GHR: variants seen among roughly 807,000 people sequenced by gnomAD.
The protein encoded by GHR is GH receptor.
Under a neutral mutation model 67.1 loss-of-function variants are expected in GHR, and 35 were observed. The ratio of observed to expected loss-of-function variants is 0.52; its 90% CI spans 0.40 to 0.69. GHR has a LOEUF of 0.69. Among genes scored for constraint, GHR ranks in the 30% least tolerant of loss-of-function variants. The probability of loss-of-function intolerance (pLI) is 0.00; values close to 1 mark genes in which losing one functional copy is unlikely to be tolerated. For synonymous variants in GHR, 272 were observed against 269.1 expected, an observed-to-expected ratio of 1.01 and a Z score of -0.10; for missense variants, 792 against 764.6, an observed-to-expected ratio of 1.04 and a Z score of -0.42.
chr5:42,431,451 A>G (rs1222371045), intron 1 of GHR, among the ~76,000 whole-genome samples: 1 of 152,212 alleles, frequency 6.6e-6, no homozygotes, highest in Non-Finnish European at 1.5e-5. Flanking sequence ...ATAAAGCCTT[A>G]GGCCAGGCAC....
At chr5:42,492,072 C>G (rs994965780) in intron 1 of GHR, among the ~76,000 whole-genome samples, 1 of 152,154 alleles carries the variant, frequency 6.6e-6, no homozygotes, top group African/African-American at 2.4e-5. Flanking sequence ...ATAGTTCTGG[C>G]TTTTCCTTAT....
At chr5:42,717,591 T>A (rs1272286096) in intron 8 of GHR, among the ~76,000 whole-genome samples, 1 of 152,216 alleles carries the variant, frequency 6.6e-6, no homozygotes, top group Non-Finnish European at 1.5e-5. Context: ...TACCCAAGTC[T>A]ACCCTTTTTC....
intron 2 of GHR, among the ~76,000 whole-genome samples, chr5:42,569,057 T>C (rs1750115148): frequency 6.6e-6 from 1 of 152,202 alleles, no homozygotes; most frequent in Non-Finnish European, 1.5e-5. Context: ...TCAGCTGTGG[T>C]GAATTACAGC....
intron 1 of GHR, among the ~76,000 whole-genome samples, chr5:42,479,992 T>C (rs1345654470): frequency 1.3e-5 from 2 of 152,236 alleles, no homozygotes; most frequent in African/African-American, 2.4e-5. Context: ...GTGTCAATTT[T>C]GGATCTTTCC....
intron 1 of GHR, among the ~76,000 whole-genome samples, chr5:42,450,055 T>C (rs1444441828): frequency 2.0e-5 from 3 of 152,196 alleles, no homozygotes; most frequent in Non-Finnish European, 4.4e-5. Context: ...TAGCTACTAC[T>C]TTGTTGAGGA....
chr5:42,496,882 G>A (rs1452379498), intron 1 of GHR, among the ~76,000 whole-genome samples: 1 of 152,142 alleles, frequency 6.6e-6, no homozygotes, highest in East Asian at 1.9e-4. Flanking sequence ...CACAAGGCTG[G>A]AACTAGACAC....
intron 1 of GHR, among the ~76,000 whole-genome samples, chr5:42,519,708 A>G (rs997296008): frequency 2.0e-5 from 3 of 152,158 alleles, no homozygotes. Context: ...AAAGTTGACC[A>G]TTTCTTTTAG....
chr5:42,677,409 T>C (rs555834610), intron 3 of GHR, among the ~76,000 whole-genome samples: 2 of 152,216 alleles, frequency 1.3e-5, no homozygotes, highest in Admixed American at 6.5e-5. Context: ...TGCAGCATTC[T>C]CTTTTCATTG....
chr5:42,552,158 G>C (rs539650097), intron 1 of GHR, among the ~76,000 whole-genome samples: 2 of 152,164 alleles, frequency 1.3e-5, no homozygotes, highest in East Asian at 3.8e-4. Flanking sequence ...GAGTTATGTT[G>C]TGGTGGTCCC....
intron 6 of GHR, among the ~76,000 whole-genome samples, chr5:42,701,351 C>G (rs1579639569): frequency 6.6e-6 from 1 of 152,124 alleles, no homozygotes; most frequent in South Asian, 2.1e-4. Context: ...TTTTACTAAA[C>G]CTCGACCTTT....
chr5:42,667,444 A>C (rs901911046), intron 3 of GHR, among the ~76,000 whole-genome samples: 1 of 152,192 alleles, frequency 6.6e-6, no homozygotes, highest in South Asian at 2.1e-4. Flanking sequence ...TTGTACTAAT[A>C]TAACATAGAA....
At chr5:42,604,197 T>C (rs750502537) in intron 2 of GHR, among the ~76,000 whole-genome samples, 25 of 152,342 alleles carry the variant, frequency 1.6e-4, no homozygotes, top group Non-Finnish European at 3.1e-4. Flanking sequence ...CCTGTAAGCC[T>C]TCACATGTAT....
At chr5:42,465,315 G>C in intron 1 of GHR, 1 of 686,002 alleles carries the variant, frequency 1.5e-6, no homozygotes, top group Non-Finnish European at 2.6e-6. Context: ...TTTTTTTTTT[G>C]CATGAAAATA....
At chr5:42,530,367 T>G (rs929295727) in intron 1 of GHR, among the ~76,000 whole-genome samples, 3 of 152,204 alleles carry the variant, frequency 2.0e-5, no homozygotes, top group Admixed American at 2.0e-4. Flanking sequence ...TTTTCATGAA[T>G]GAATGGGAGC....
intron 3 of GHR, among the ~76,000 whole-genome samples, chr5:42,636,683 T>C (rs1265924435): frequency 6.6e-6 from 1 of 152,180 alleles, no homozygotes; most frequent in Admixed American, 6.5e-5. Flanking sequence ...ATTTATGCAC[T>C]GGGAAAATAT....
chr5:42,605,019 A>C (rs1445612669), intron 2 of GHR, among the ~76,000 whole-genome samples: 1 of 150,524 alleles, frequency 6.6e-6, no homozygotes, highest in African/African-American at 2.4e-5. Flanking sequence ...CATCTCTCCC[A>C]GTCTTGTCAA....
chr5:42,642,148 G>C (rs996784045), intron 3 of GHR, among the ~76,000 whole-genome samples: 1 of 152,112 alleles, frequency 6.6e-6, no homozygotes, highest in Non-Finnish European at 1.5e-5. Flanking sequence ...ATCAGAAGAC[G>C]ATTAGAAGGG....
intron 1 of GHR, among the ~76,000 whole-genome samples, chr5:42,557,766 T>G (rs1208422672): frequency 6.6e-6 from 1 of 152,214 alleles, no homozygotes; most frequent in African/African-American, 2.4e-5. Flanking sequence ...TCAATGATTA[T>G]TAACTAAATG....
chr5:42,501,458 T>G (rs1561079624), intron 1 of GHR, among the ~76,000 whole-genome samples: 1 of 152,150 alleles, frequency 6.6e-6, no homozygotes, highest in Non-Finnish European at 1.5e-5. Flanking sequence ...AAACTTCTAT[T>G]CTTATTTGTT....
Sources: allele counts gnomAD v4.1 joint callset (sites outside exome capture counted in the v4.1 genomes callset), GRCh38; gene constraint gnomAD v4.1.1; transcripts MANE v1.5; gene names NCBI Gene and HGNC (gene_info 2026-07-23, HGNC 2026-07-21).